Variants in WDR17 observed in about 807,000 individuals in gnomAD.
WDR17 encodes the protein WD repeat-containing protein 17.
WDR17 carries 143 observed loss-of-function variants against 161.7 expected under a neutral mutation model. That is an observed-to-expected ratio of 0.88 (90% CI 0.77 to 1.02). WDR17 has a LOEUF of 1.02. WDR17 is among the 50% of genes least tolerant of loss of function. The probability of loss-of-function intolerance (pLI) is 0.00; values close to 1 mark genes in which losing one functional copy is unlikely to be tolerated. For synonymous variants in WDR17, 517 were observed against 515.6 expected (o/e 1.00, Z -0.04); for missense variants, 1,469 against 1,520.9 (o/e 0.97, Z 0.57).
At chr4:176,132,428 C>G (rs966779255) in intron 7 of WDR17, among the ~76,000 whole-genome samples, 1 of 152,012 alleles carries the variant, frequency 6.6e-6, no homozygotes, top group Non-Finnish European at 1.5e-5. Context: ...ATGTCCCTGT[C>G]TTTTTCCACT....
intron 1 of WDR17, among the ~76,000 whole-genome samples, chr4:176,082,318 A>T (rs577428106): frequency 1.2e-4 from 18 of 152,230 alleles, no homozygotes; most frequent in Admixed American, 2.6e-4. Context: ...ATAACCATGT[A>T]TACTCGGGGT....
chr4:176,076,292 A>T (rs1298158876), intron 1 of WDR17, among the ~76,000 whole-genome samples: 1 of 141,974 alleles, frequency 7.0e-6, no homozygotes, highest in Non-Finnish European at 1.5e-5. Context: ...TAAGCAAAAT[A>T]TGTGTATCTG....
At position 176,181,193 on chromosome 4, in the gene WDR17, A is replaced by T. The variant is rs377252604; in HGVS notation, c.*1614A>T. 52 of 37,716 alleles carry T rather than the reference A, an allele frequency of 1.4e-3. 1 individual carries two copies. Among genetic ancestry groups the T allele is most frequent in the African/African-American group, 3.4e-3 (49 of 14,502 alleles). 2.3% of individuals were successfully genotyped at this position (37,716 alleles called of 1,614,324 possible). ...TTACAGGCTTAAATTCCATTTTATT[A>T]AAAAAAAAAAATTGCCTGTAATCCC... On this transcript the variant is annotated 3_prime_UTR_variant, in exon 29 of 29. Coordinates refer to ENST00000508596, the MANE Select transcript of WDR17 (RefSeq NM_181265.4).
At chr4:176,126,565 GA>G (rs77986329) in intron 5 of WDR17, among the ~76,000 whole-genome samples, 2 of 152,228 alleles carry the variant, frequency 1.3e-5, no homozygotes, top group South Asian at 2.1e-4. Flanking sequence ...AATGTTAGGG[GA>G]AAAAAATTCC....
chr4:176,090,318 C>T (rs762952111), intron 1 of WDR17, among the ~76,000 whole-genome samples: 12 of 151,634 alleles, frequency 7.9e-5, no homozygotes, highest in South Asian at 2.1e-4. Context: ...TCTCTTTCCA[C>T]GTCATCTCTG....
rs982610154 is a variant in WDR17 at position 176,118,894 on chromosome 4, G to A, written c.308-973G>A. ...GAGAATGGCATGAACCCGGGAGGCG[G>A]AGCTTGCAGTGAGCCGAGATTGCAT... On this transcript the variant is annotated intron_variant, in intron 3 of 28. Transcript: ENST00000508596. 3.3e-5 allele frequency among the ~76,000 whole-genome samples: 5 copies of A among 151,982 alleles called. No individual in the cohort carries two copies. In the East Asian group the frequency reaches 7.7e-4, roughly 23 times the overall value.
rs749399495 is a variant in WDR17 at position 176,148,180 on chromosome 4, T to C, written c.1742T>C (p.Leu581Pro). The C allele has an allele frequency of 6.2e-7, 1 of 1,614,056 alleles. No individual in the cohort carries two copies. The highest frequency in any genetic ancestry group is 8.5e-7 in the Non-Finnish European group (1 of 1,179,960). ...ACTCAGGATGCTTGCATCAATATTCTTAATGGACACACTGCACCTGTGAGA... is the reference window on the plus strand; with the variant it reads ...ACTCAGGATGCTTGCATCAATATTCCTAATGGACACACTGCACCTGTGAGA... ...DYTQDACINI[L>P]NGHTAPVRGL... The change falls in exon 13 of 29, where the codon CTT (leucine) becomes CCT (proline). Residue 581 changes from leucine (L) to proline (P), a missense_variant. By Grantham distance (98) the Leu-to-Pro change is moderately conservative (BLOSUM62 -3). Coordinates refer to ENST00000508596, the MANE Select transcript of WDR17 (RefSeq NM_181265.4).
At chr4:176,066,968 A>C (rs114305989) in intron 1 of WDR17, among the ~76,000 whole-genome samples, 104 of 152,316 alleles carry the variant, frequency 6.8e-4, no homozygotes, top group African/African-American at 2.3e-3. Context: ...ATTAGAAAAT[A>C]AATGACAATG....
At position 176,131,832 on chromosome 4, in the gene WDR17, T is replaced by A. The variant is rs1355010626; in HGVS notation, c.1098+94T>A. 6 of 1,019,270 alleles carry A rather than the reference T, an allele frequency of 5.9e-6. No homozygotes were observed. The East Asian group carries it at 1.7e-4, about 29-fold the overall frequency. The allele number at this position is 1,019,270 out of a possible 1,614,324, so 63.1% of individuals were successfully genotyped here. A position where few individuals can be genotyped will look rare whatever the true frequency, so the allele number is the denominator to read the frequency against. ...CCTGTCTGAATATTATTTGAAATTA[T>A]TTTTGTAAGTAATAATATACTAGAA... On this transcript the variant is annotated intron_variant, in intron 7 of 28. Transcript: ENST00000508596.
At chr4:176,152,386 G>A (rs929291089) in intron 17 of WDR17, among the ~76,000 whole-genome samples, 5 of 151,102 alleles carry the variant, frequency 3.3e-5, no homozygotes, top group African/African-American at 7.3e-5. Flanking sequence ...CACGAGGTCA[G>A]GAGATTAAGA....
chr4:176,174,536 A>G (rs973640573), intron 25 of WDR17, 81 bp from the exon 26 acceptor site: 5 of 966,624 alleles, frequency 5.2e-6, no homozygotes, highest in Non-Finnish European at 7.4e-6. Flanking sequence ...CAGAATATAT[A>G]AAGTACATGA....
At chr4:176,134,145 C>G (rs964005127) in intron 7 of WDR17, among the ~76,000 whole-genome samples, 2 of 151,560 alleles carry the variant, frequency 1.3e-5, no homozygotes, top group Non-Finnish European at 3.0e-5. Flanking sequence ...TTACCTCCAC[C>G]TAAAGGAGAA....
rs754639340 is a variant in WDR17 at position 176,179,710 on chromosome 4, A to G, written c.*131A>G. On this transcript the variant is annotated 3_prime_UTR_variant, in exon 29 of 29. Coordinates refer to ENST00000508596, the MANE Select transcript of WDR17 (RefSeq NM_181265.4). ...TTGCAGGTTGGGAGAGGTGGGAAAT[A>G]GCAGTGAATTTTAGTCATTAACTTC... 2.3e-4 allele frequency: 187 copies of G among 807,468 alleles called. No individual in the cohort carries two copies. The highest frequency in any genetic ancestry group is 7.5e-4 in the Admixed American group (19 of 25,332). The allele number at this position is 807,468 out of a possible 1,614,324, so 50.0% of individuals were successfully genotyped here.
intron 17 of WDR17, 151 bp downstream of exon 17, chr4:176,152,118 T>C (rs1747230426): frequency 1.5e-6 from 1 of 655,304 alleles, no homozygotes; most frequent in Admixed American, 3.7e-5. Flanking sequence ...GATACTAGCC[T>C]GAGCAACACG....
intron 22 of WDR17, among the ~76,000 whole-genome samples, chr4:176,167,541 G>A (rs1749979460): frequency 6.8e-6 from 1 of 148,036 alleles, no homozygotes; most frequent in South Asian, 2.2e-4. Flanking sequence ...AGCTACTCGG[G>A]AGGCTGAGGC....
intron 4 of WDR17, among the ~76,000 whole-genome samples, chr4:176,124,872 C>T (rs1381678799): frequency 6.6e-6 from 1 of 152,178 alleles, no homozygotes; most frequent in Non-Finnish European, 1.5e-5. Context: ...ATGGGAGACA[C>T]ATTCAAGGCA....
chr4:176,070,721 A>G (rs375541013), intron 1 of WDR17, among the ~76,000 whole-genome samples: 2 of 151,568 alleles, frequency 1.3e-5, no homozygotes, highest in South Asian at 2.1e-4. Flanking sequence ...ACAGCTCACT[A>G]TGTTGCCCAG....
chr4:176,164,386 A>G (rs1318433234), intron 22 of WDR17, among the ~76,000 whole-genome samples: 1 of 152,226 alleles, frequency 6.6e-6, no homozygotes, highest in East Asian at 1.9e-4. Flanking sequence ...GACAATCATA[A>G]GTGGAAAATT....
At chr4:176,178,419 C>A (rs1315544554) in intron 28 of WDR17, among the ~76,000 whole-genome samples, 2 of 151,986 alleles carry the variant, frequency 1.3e-5, no homozygotes, top group East Asian at 3.9e-4. Flanking sequence ...CTTTGTATAC[C>A]ATTTCTAGTA....
Sources: gnomAD v4.1 joint callset for allele counts (sites outside exome capture counted in the v4.1 genomes callset) on GRCh38, gnomAD v4.1.1 for gene constraint, MANE v1.5 for transcripts, NCBI Gene and HGNC (gene_info 2026-07-23, HGNC 2026-07-21) for gene names.